Variants in ADGRL3 observed in about 807,000 individuals in gnomAD.
ADGRL3 encodes the protein adhesion G protein-coupled receptor L3.
A neutral mutation model predicts 153.5 loss-of-function variants in ADGRL3; 62 were observed. That is an observed-to-expected ratio of 0.40 (90% CI 0.33 to 0.50). The LOEUF is 0.50. ADGRL3 is among the 20% of genes least tolerant of loss of function. The pLI is 0.47. For synonymous variants in ADGRL3, 710 were observed against 672.5 expected, an observed-to-expected ratio of 1.06 and a Z score of -0.86; for missense variants, 1,641 against 1,859.4, an observed-to-expected ratio of 0.88 and a Z score of 2.16.
intron 9 of ADGRL3, among the ~76,000 whole-genome samples, chr4:61,874,146 AGCACAATCCTAGT>A (rs1223150281): frequency 6.6e-6 from 1 of 152,220 alleles, no homozygotes; most frequent in Non-Finnish European, 1.5e-5. Flanking sequence ...GACCAGGTAC[AGCACAATCCTAGT>A]GCTACTCTGG....
chr4:61,930,941 G>A (rs1285182001), intron 13 of ADGRL3, among the ~76,000 whole-genome samples: 1 of 152,122 alleles, frequency 6.6e-6, no homozygotes, highest in Non-Finnish European at 1.5e-5. Flanking sequence ...GTCATAGTGT[G>A]TGAATAAAAT....
rs187662599 is a variant in ADGRL3 at position 61,746,555 on chromosome 4, A to G, written c.1399+13001A>G. Among the ~76,000 whole-genome samples the G allele has an allele frequency of 1.6e-3, 251 of 152,200 alleles. 1 individual carries two copies. The highest frequency in any genetic ancestry group is 2.7e-3 in the Non-Finnish European group (185 of 68,012). On this transcript the variant is annotated intron_variant, in intron 8 of 26. Coordinates refer to ENST00000683033, the MANE Select transcript of ADGRL3 (RefSeq NM_001387552.1). The stretch of plus-strand genomic sequence containing the variant: ...ACTAGAACTCAGGATTAAGAAACTC[A>G]CTCAAAACCACTCAACTACATGGAA...
intron 5 of ADGRL3, among the ~76,000 whole-genome samples, chr4:61,644,830 T>A (rs1311069758): frequency 6.6e-6 from 1 of 152,134 alleles, no homozygotes; most frequent in East Asian, 1.9e-4. Context: ...GTTCAATTCC[T>A]GGGTATCCTT....
chr4:61,956,744 T>C (rs2098968528), intron 17 of ADGRL3, among the ~76,000 whole-genome samples: 1 of 152,198 alleles, frequency 6.6e-6, no homozygotes, highest in Admixed American at 6.5e-5. Flanking sequence ...CAGTCTCAGT[T>C]TTCTGCATAT....
chr4:61,633,199 G>A (rs1358406623), intron 5 of ADGRL3, among the ~76,000 whole-genome samples: 1 of 145,060 alleles, frequency 6.9e-6, no homozygotes, highest in Non-Finnish European at 1.5e-5. Flanking sequence ...TATTGAAGGT[G>A]TAACTTGATA....
chr4:61,457,875 T>TAGAC (rs2097771436), intron 2 of ADGRL3, among the ~76,000 whole-genome samples: 1 of 151,610 alleles, frequency 6.6e-6, no homozygotes, highest in Non-Finnish European at 1.5e-5. Flanking sequence ...GATAGATAGA[T>TAGAC]AGATAGATAG....
intron 9 of ADGRL3, among the ~76,000 whole-genome samples, chr4:61,851,864 G>A (rs998179686): frequency 1.2e-4 from 18 of 152,124 alleles, no homozygotes; most frequent in Non-Finnish European, 2.5e-4. Flanking sequence ...ATCTTGAATA[G>A]CACTGTCAAT....
At chr4:61,277,813 G>T (rs2093541643) in intron 1 of ADGRL3, among the ~76,000 whole-genome samples, 1 of 152,236 alleles carries the variant, frequency 6.6e-6, no homozygotes, top group South Asian at 2.1e-4. Flanking sequence ...AAGCTCTATT[G>T]CTTATAATAA....
At chr4:61,853,831 A>G (rs931065183) in intron 9 of ADGRL3, among the ~76,000 whole-genome samples, 3 of 152,242 alleles carry the variant, frequency 2.0e-5, no homozygotes, top group African/African-American at 7.2e-5. Flanking sequence ...GTAAAGCTCA[A>G]CAAGGGAGAG....
chr4:61,952,272 T>A (rs1483456448), intron 17 of ADGRL3, among the ~76,000 whole-genome samples: 1 of 151,116 alleles, frequency 6.6e-6, no homozygotes, highest in Non-Finnish European at 1.5e-5. Flanking sequence ...AGCTTAGGAG[T>A]TCAAGACCAG....
At chr4:61,982,001 A>T (rs1281916483) in intron 18 of ADGRL3, among the ~76,000 whole-genome samples, 3 of 152,178 alleles carry the variant, frequency 2.0e-5, no homozygotes, top group African/African-American at 7.2e-5. Flanking sequence ...TTCCCCAAAA[A>T]AGTAAAGCCT....
chr4:61,381,509 G>T (rs1002350682), intron 1 of ADGRL3, among the ~76,000 whole-genome samples: 2 of 151,930 alleles, frequency 1.3e-5, no homozygotes, highest in African/African-American at 4.8e-5. Flanking sequence ...AAGAGGTATA[G>T]GAGTGTCAGG....
At chr4:61,649,547 T>C (rs1284951039) in intron 5 of ADGRL3, among the ~76,000 whole-genome samples, 4 of 152,084 alleles carry the variant, frequency 2.6e-5, no homozygotes, top group African/African-American at 9.7e-5. Context: ...TGTAGAAGAG[T>C]TTAGCCTTTT....
At chr4:61,467,489 TGA>T (rs140479884) in intron 2 of ADGRL3, among the ~76,000 whole-genome samples, 31 of 149,374 alleles carry the variant, frequency 2.1e-4, no homozygotes, top group African/African-American at 3.2e-4. Flanking sequence ...TGTGTGTGTG[TGA>T]GAGAGAGAGA....
At chr4:61,238,442 GGTGTGTGT>G (rs3065319) in intron 1 of ADGRL3, among the ~76,000 whole-genome samples, 8 of 147,548 alleles carry the variant, frequency 5.4e-5, no homozygotes, top group East Asian at 2.0e-4. Context: ...TCTAATGTGT[GGTGTGTGT>G]GTGTGTGTGT....
rs553760751 is a variant in ADGRL3 at position 61,325,527 on chromosome 4, G to C, written c.-239-57597G>C. Among the ~76,000 whole-genome samples the C allele has an allele frequency of 1.5e-4, 23 of 152,270 alleles. 1 individual carries two copies. The highest frequency in any genetic ancestry group is 5.1e-4 in the African/African-American group (21 of 41,578). On this transcript the variant is annotated intron_variant, in intron 1 of 26. Coordinates refer to ENST00000683033, the MANE Select transcript of ADGRL3 (RefSeq NM_001387552.1). ...GAAGGTTGAGTGTGAATTCTCATTT[G>C]TTTAACAGGCTTATTTTCTCTTTTT... is the stretch of plus-strand genomic sequence containing the variant.
intron 8 of ADGRL3, among the ~76,000 whole-genome samples, chr4:61,778,986 A>G (rs1484915309): frequency 2.6e-5 from 4 of 152,032 alleles, no homozygotes; most frequent in Non-Finnish European, 4.4e-5. Context: ...TGAACACAGG[A>G]AGCAGAGGTT....
chr4:61,551,290 T>A (rs532283846), intron 4 of ADGRL3, among the ~76,000 whole-genome samples: 89 of 152,262 alleles, frequency 5.8e-4, no homozygotes, highest in Middle Eastern at 3.4e-3. Flanking sequence ...GTGATTTTTA[T>A]ATAAAAGTTT....
rs142717802 is a variant in ADGRL3, at chr4:61,764,322, C to A, written c.1399+30768C>A. 4.7e-3 allele frequency among the ~76,000 whole-genome samples: 717 copies of A among 151,520 alleles called. 8 individuals are homozygous for A. Among genetic ancestry groups the A allele is most frequent in the African/African-American group, 0.016 (670 of 41,186 alleles). ...GGGCTGAGTTCGAAAAGAGAGTCAG[C>A]GAAGGGAGATAAGGGTGGGGCCGTT... On this transcript the variant is annotated intron_variant, in intron 8 of 26. Coordinates refer to ENST00000683033, the MANE Select transcript of ADGRL3 (RefSeq NM_001387552.1).
Sources: allele counts gnomAD v4.1 joint callset (sites outside exome capture counted in the v4.1 genomes callset), GRCh38; gene constraint gnomAD v4.1.1; transcripts MANE v1.5; gene names NCBI Gene and HGNC (gene_info 2026-07-23, HGNC 2026-07-21).